SDK1: variants seen among roughly 807,000 people sequenced by gnomAD.
SDK1 encodes sidekick cell adhesion molecule 1.
A neutral mutation model predicts 245.5 loss-of-function variants in SDK1; 157 were observed. That is an observed-to-expected ratio of 0.64 (90% CI 0.56 to 0.73). The LOEUF (loss-of-function observed/expected upper bound fraction) is 0.73, where lower values mean the gene tolerates loss of function less well. Ranked by LOEUF, SDK1 falls within the 30% of genes least tolerant of loss-of-function variation. The pLI is 0.00. For synonymous variants in SDK1, 1,647 were observed against 1,278.5 expected (o/e 1.29, Z -6.15); for missense variants, 3,583 against 3,002.3 (o/e 1.19, Z -4.52).
intron 28 of SDK1, among the ~76,000 whole-genome samples, chr7:4,145,058 C>T (rs1050837233): frequency 1.3e-5 from 2 of 152,254 alleles, no homozygotes; most frequent in African/African-American, 2.4e-5. Context: ...CTGGTCAACC[C>T]CAAGCCCCTC....
intron 5 of SDK1, among the ~76,000 whole-genome samples, chr7:3,862,117 A>G (rs951513802): frequency 6.6e-6 from 1 of 152,226 alleles, no homozygotes; most frequent in Non-Finnish European, 1.5e-5. Context: ...GAATTACTAC[A>G]TGGACAGATC....
intron 1 of SDK1, among the ~76,000 whole-genome samples, chr7:3,322,292 C>T (rs1179246553): frequency 6.6e-6 from 1 of 152,114 alleles, no homozygotes; most frequent in Non-Finnish European, 1.5e-5. Context: ...TGAGGTTCAT[C>T]TGGGTTGTGT....
In SDK1 at chr7:4,132,582, C is replaced by T; in HGVS notation, c.4228+159C>T. On this transcript the variant is annotated intron_variant, in intron 28 of 44. Coordinates refer to ENST00000404826, the MANE Select transcript of SDK1 (RefSeq NM_152744.4). ...CCAAAGAAAAAATTCAGACTATTAGCCGGGCATGATGGCATGCACCTGTTG... is the reference window on the plus strand; with the variant it reads ...CCAAAGAAAAAATTCAGACTATTAGTCGGGCATGATGGCATGCACCTGTTG... 3 of 574,660 alleles carry T rather than the reference C, an allele frequency of 5.2e-6. No homozygotes were observed. The South Asian group carries it at 5.8e-5, about 11-fold the overall frequency. The allele number at this position is 574,660 out of a possible 1,614,324, so 35.6% of individuals were successfully genotyped here. A position where few individuals can be genotyped will look rare whatever the true frequency, so the allele number is the denominator to read the frequency against.
intron 1 of SDK1, among the ~76,000 whole-genome samples, chr7:3,437,817 T>G (rs915575478): frequency 6.6e-6 from 1 of 152,198 alleles, no homozygotes; most frequent in Non-Finnish European, 1.5e-5. Flanking sequence ...TTCAGATACC[T>G]TAGTGGAAGC....
chr7:3,851,815 C>T (rs555101826), intron 5 of SDK1, among the ~76,000 whole-genome samples: 1 of 151,898 alleles, frequency 6.6e-6, no homozygotes, highest in Non-Finnish European at 1.5e-5. Context: ...TTCAGACATC[C>T]CTAGAGGAAG....
Position 4,265,373 on chromosome 7 carries a change from T to G in SDK1, c.6631T>G (p.Ser2211Ala). The G allele has an allele frequency of 1.4e-6, 2 of 1,438,940 alleles. No individual in the cohort carries two copies. Among genetic ancestry groups the G allele is most frequent in the Non-Finnish European group, 1.8e-6 (2 of 1,108,350 alleles). The allele number at this position is 1,438,940 out of a possible 1,614,324, so 89.1% of individuals were successfully genotyped here. ...GCGAACTCCGCTCACCGGCTTCTCC[T>G]CCTTCGTGTGAGCAAAGCGCCGCGC... is the stretch of plus-strand genomic sequence containing the variant. ...GARTPLTGFSSFV is the reference protein window; with the variant it reads ...GARTPLTGFSAFV The change falls in exon 45 of 45, where the codon TCC (serine) becomes GCC (alanine). Residue 2211 changes from serine (S) to alanine (A), a missense_variant. Physicochemically the swap from Ser to Ala is moderately conservative, Grantham distance 99. Transcript: ENST00000404826.
chr7:3,429,518 G>A (rs554875747), intron 1 of SDK1, among the ~76,000 whole-genome samples: 8 of 151,846 alleles, frequency 5.3e-5, no homozygotes, highest in African/African-American at 1.9e-4. Flanking sequence ...CTTGCATGTT[G>A]TGTTGTATGG....
At chr7:3,799,584 A>G (rs954460848) in intron 4 of SDK1, among the ~76,000 whole-genome samples, 1 of 151,606 alleles carries the variant, frequency 6.6e-6, no homozygotes, top group Non-Finnish European at 1.5e-5. Context: ...GGGCACCTGT[A>G]GTCCCAGCTA....
chr7:3,792,629 TCC>T, intron 4 of SDK1, among the ~76,000 whole-genome samples: 1 of 151,188 alleles, frequency 6.6e-6, no homozygotes, highest in East Asian at 1.9e-4. Flanking sequence ...CATCCATCCA[TCC>T]ATCCATCCAT....
intron 28 of SDK1, among the ~76,000 whole-genome samples, chr7:4,133,064 T>C (rs961228456): frequency 1.2e-4 from 18 of 152,332 alleles, no homozygotes; most frequent in African/African-American, 4.1e-4. Flanking sequence ...GGCTAGTTTT[T>C]CAGAGAAGAT....
intron 4 of SDK1, among the ~76,000 whole-genome samples, chr7:3,746,920 C>T (rs116582807): frequency 0.011 from 1,599 of 152,278 alleles, 30 homozygotes; most frequent in African/African-American, 0.037. Flanking sequence ...GAATGCTTTT[C>T]AGAAGGTTTT....
At chr7:3,970,393 C>G (rs1385634837) in intron 11 of SDK1, among the ~76,000 whole-genome samples, 1 of 152,186 alleles carries the variant, frequency 6.6e-6, no homozygotes, top group African/African-American at 2.4e-5. Flanking sequence ...TCCCACTATT[C>G]TGTCAAGTAC....
intron 7 of SDK1, 122 bp from the exon 8 acceptor site, chr7:3,958,809 G>C (rs1447667591): frequency 1.3e-6 from 1 of 786,502 alleles, no homozygotes; most frequent in Admixed American, 2.1e-5. Flanking sequence ...TATGCACGAT[G>C]CTAACTAATG....
chr7:4,104,877 T>G lies in SDK1; in HGVS notation c.3325-5786T>G, dbSNP rs531672766. 2.0e-5 allele frequency among the ~76,000 whole-genome samples: 3 copies of G among 152,088 alleles called. No homozygotes were observed. In the South Asian group the frequency reaches 6.2e-4, roughly 32 times the overall value. Reference sequence around the variant, plus strand: ...CCACCATGCCTGGCTAATTTTTTTTTTAATTATTTTGTAGAGATGGGGTCT... The same window carrying G: ...CCACCATGCCTGGCTAATTTTTTTTGTAATTATTTTGTAGAGATGGGGTCT... On this transcript the variant is annotated intron_variant, in intron 22 of 44. Coordinates refer to ENST00000404826, the MANE Select transcript of SDK1 (RefSeq NM_152744.4).
chr7:3,981,939 A>G (rs1783433289), intron 13 of SDK1, among the ~76,000 whole-genome samples: 1 of 152,238 alleles, frequency 6.6e-6, no homozygotes, highest in Middle Eastern at 3.2e-3. Flanking sequence ...GTAACAAGAA[A>G]TTTGCAGTGT....
Position 3,619,124 on chromosome 7 carries a change from A to T in SDK1, c.343A>T (p.Ile115Phe). ...TAAAACGGAGCCAGGCCTACCACAG[A>T]TCCACCTGGAAGGGAACCGCCTTGT... is the stretch of plus-strand genomic sequence containing the variant. ...YFKTEPGLPQ[I>F]HLEGNRLVLT... Residue 115 changes from isoleucine (I) to phenylalanine (F), a missense_variant, in exon 2 of 45, where the codon ATC (isoleucine) becomes TTC (phenylalanine). Coordinates refer to ENST00000404826, the MANE Select transcript of SDK1 (RefSeq NM_152744.4). 2 of 1,613,496 alleles carry T rather than the reference A, an allele frequency of 1.2e-6. No homozygotes were observed. Among genetic ancestry groups the T allele is most frequent in the Non-Finnish European group, 1.7e-6 (2 of 1,179,534 alleles).
At chr7:3,907,963 G>T (rs1779013627) in intron 5 of SDK1, among the ~76,000 whole-genome samples, 1 of 151,988 alleles carries the variant, frequency 6.6e-6, no homozygotes, top group Non-Finnish European at 1.5e-5. Context: ...AGGGTTTTTT[G>T]TTGTTGTTGT....
At chr7:3,513,044 CT>C (rs1782631432) in intron 1 of SDK1, among the ~76,000 whole-genome samples, 1 of 152,160 alleles carries the variant, frequency 6.6e-6, no homozygotes. Context: ...AGCTAAGTGA[CT>C]GGTTTGGAGA....
chr7:3,671,908 G>C lies in SDK1; in HGVS notation c.713+29803G>C, dbSNP rs113139299. 7.6e-3 allele frequency among the ~76,000 whole-genome samples: 1,164 copies of C among 152,226 alleles called. 26 individuals carry two copies. Among genetic ancestry groups the C allele is most frequent in the African/African-American group, 0.027 (1,108 of 41,536 alleles). On this transcript the variant is annotated intron_variant, in intron 4 of 44. Transcript: ENST00000404826. ...TTGTTTGCTTGCTTGCTTATTGTTT[G>C]TGTTTATAATGTGGAGGAATCAGCT...
Sources: allele counts gnomAD v4.1 joint callset (sites outside exome capture counted in the v4.1 genomes callset), GRCh38; gene constraint gnomAD v4.1.1; transcripts MANE v1.5; gene names NCBI Gene and HGNC (gene_info 2026-07-23, HGNC 2026-07-21).